The following ESRRG variants were observed in gnomAD, a reference collection of about 807,000 sequenced individuals.
ESRRG encodes the protein estrogen related receptor gamma, also known as estrogen-related receptor gamma.
In ESRRG, 13 loss-of-function variants were observed where a neutral mutation model predicts 44.0. The ratio of observed to expected loss-of-function variants is 0.30; its 90% CI spans 0.19 to 0.47. ESRRG has a LOEUF of 0.47. Ranked by LOEUF, ESRRG falls within the 20% of genes least tolerant of loss-of-function variation. The pLI is 1.00. For missense variants in ESRRG, 395 were observed against 580.6 expected, an observed-to-expected ratio of 0.68 and a Z score of 3.29; for synonymous variants, 215 against 214.6, an observed-to-expected ratio of 1.00 and a Z score of -0.02.
rs566625421 is a variant in ESRRG, at chr1:216,792,396, G to GT, written c.-13-114906dup. ...CTATTACTCTCTATATATTTCCAGGGTTTTTTTTGCCAGGTTAAAGCAGGG... is the reference window on the plus strand; with the variant it reads ...CTATTACTCTCTATATATTTCCAGGGTTTTTTTTTGCCAGGTTAAAGCAGGG... On this transcript the variant is annotated intron_variant, in intron 2 of 7. Coordinates refer to the ESRRG transcript ENST00000359162. Among the ~76,000 whole-genome samples the GT allele has an allele frequency of 3.0e-4, 45 of 151,672 alleles. 1 individual carries two copies. Among genetic ancestry groups the GT allele is most frequent in the South Asian group, 1.0e-3 (5 of 4,778 alleles).
rs555516398 is a variant in ESRRG at position 216,537,359 on chromosome 1, T to C, written c.863-17938A>G. Among the ~76,000 whole-genome samples the C allele has an allele frequency of 2.0e-5, 3 of 152,096 alleles. No homozygotes were observed. In the East Asian group the frequency reaches 5.8e-4, roughly 30 times the overall value. On this transcript the variant is annotated intron_variant, in intron 5 of 6. Coordinates refer to ENST00000408911, the MANE Select transcript of ESRRG (RefSeq NM_001438.4). ...TCCTAGCCTCTAGAACCATAAGAAATGCATTTCTGTTAATTATAAGCCACC... is the reference window on the plus strand; with the variant it reads ...TCCTAGCCTCTAGAACCATAAGAAACGCATTTCTGTTAATTATAAGCCACC...
chr1:217,053,133 T>TAAAAAAAAAAAAAAAAAAAAAAAAAA (rs71303007), intron 1 of ESRRG, among the ~76,000 whole-genome samples: 3 of 119,030 alleles, frequency 2.5e-5, no homozygotes, highest in East Asian at 2.6e-4. Context: ...AATCCCATCT[T>TAAAAAAAAAAAAAAAAAAAAAAAAAA]AAAAAAAAAA....
chr1:216,764,483 G>A (rs1453628574), intron 2 of ESRRG, among the ~76,000 whole-genome samples: 1 of 151,828 alleles, frequency 6.6e-6, no homozygotes, highest in Admixed American at 6.6e-5. Flanking sequence ...TGGCCAGGCT[G>A]GTCTCAAACT....
chr1:216,695,775 T>G (rs1251951679), intron 1 of ESRRG, among the ~76,000 whole-genome samples: 1 of 152,194 alleles, frequency 6.6e-6, no homozygotes, highest in East Asian at 1.9e-4. Context: ...GAATCATGAG[T>G]ATCTGATTCT....
At chr1:216,964,857 T>C (rs1385838928) in intron 1 of ESRRG, among the ~76,000 whole-genome samples, 3 of 152,148 alleles carry the variant, frequency 2.0e-5, no homozygotes, top group Admixed American at 1.3e-4. Context: ...AATTAAGCCA[T>C]AGAAAAGAGG....
chr1:216,723,191 CCACCCCCG>C, intron 1 of ESRRG, 45 bp downstream of exon 1: 1 of 1,461,244 alleles, frequency 6.8e-7, no homozygotes, highest in Non-Finnish European at 9.6e-7. Context: ...CTGTCCGCCC[CCACCCCCG>C]CACCCCCACG....
chr1:217,062,980 C>G (rs1360865585), intron 1 of ESRRG, among the ~76,000 whole-genome samples: 1 of 152,134 alleles, frequency 6.6e-6, no homozygotes, highest in African/African-American at 2.4e-5. Context: ...CTAGTATGTA[C>G]CTATGTGACC....
At chr1:217,102,425 T>C (rs903302428) in intron 1 of ESRRG, among the ~76,000 whole-genome samples, 1 of 152,222 alleles carries the variant, frequency 6.6e-6, no homozygotes, top group Non-Finnish European at 1.5e-5. Context: ...AATCTTATGA[T>C]GTACATGCTG....
intron 1 of ESRRG, among the ~76,000 whole-genome samples, chr1:216,951,387 T>C (rs1315452736): frequency 6.6e-5 from 10 of 152,206 alleles, no homozygotes; most frequent in Admixed American, 6.5e-4. Flanking sequence ...AAATGGGCTT[T>C]ATGCATTACA....
intron 5 of ESRRG, among the ~76,000 whole-genome samples, chr1:216,534,890 A>T (rs1248535415): frequency 1.3e-5 from 2 of 152,096 alleles, no homozygotes; most frequent in Admixed American, 1.3e-4. Flanking sequence ...CACGAATGCG[A>T]CCAGATAGCT....
chr1:216,631,936 T>C (rs945252380), intron 3 of ESRRG, among the ~76,000 whole-genome samples: 2 of 152,092 alleles, frequency 1.3e-5, no homozygotes, highest in African/African-American at 4.8e-5. Context: ...CAGCAAGAAC[T>C]GTCACTCTCT....
chr1:216,820,715 G>C (rs537089669), intron 2 of ESRRG, among the ~76,000 whole-genome samples: 74 of 152,328 alleles, frequency 4.9e-4, no homozygotes, highest in Non-Finnish European at 3.8e-4. Context: ...TTTGCAATTA[G>C]CCACCCGTTC....
intron 2 of ESRRG, among the ~76,000 whole-genome samples, chr1:216,847,495 G>A (rs1005448236): frequency 2.6e-5 from 4 of 151,942 alleles, no homozygotes; most frequent in African/African-American, 4.8e-5. Flanking sequence ...GAGTATGAAC[G>A]CTTTTTGCAT....
At chr1:216,541,041 G>A (rs1205150431) in intron 5 of ESRRG, among the ~76,000 whole-genome samples, 1 of 151,950 alleles carries the variant, frequency 6.6e-6, no homozygotes, top group Non-Finnish European at 1.5e-5. Context: ...ATGGTTCAAT[G>A]TCCTAGGTAT....
intron 2 of ESRRG, among the ~76,000 whole-genome samples, chr1:216,752,480 C>A (rs1280981416): frequency 2.0e-5 from 3 of 152,054 alleles, no homozygotes; most frequent in Non-Finnish European, 2.9e-5. Context: ...GAATACTTTA[C>A]TTTTACTTAT....
chr1:216,818,357 C>T (rs2095206192), intron 2 of ESRRG, among the ~76,000 whole-genome samples: 1 of 152,174 alleles, frequency 6.6e-6, no homozygotes, highest in South Asian at 2.1e-4. Flanking sequence ...GATGAGAGTG[C>T]CTATCAGGCA....
chr1:216,508,263 G>C (rs1019366832), intron 6 of ESRRG, among the ~76,000 whole-genome samples: 1 of 152,128 alleles, frequency 6.6e-6, no homozygotes, highest in African/African-American at 2.4e-5. Context: ...CTAATTAAAA[G>C]ATAACCAGTA....
intron 2 of ESRRG, among the ~76,000 whole-genome samples, chr1:216,877,250 T>C (rs574749858): frequency 1.3e-5 from 2 of 152,270 alleles, no homozygotes; most frequent in South Asian, 2.1e-4. Flanking sequence ...ATCCTCATCA[T>C]TGGTCTGTGC....
chr1:216,752,929 C>T (rs1195317145), intron 2 of ESRRG, among the ~76,000 whole-genome samples: 1 of 151,906 alleles, frequency 6.6e-6, no homozygotes, highest in Non-Finnish European at 1.5e-5. Context: ...AGAACTGTTT[C>T]AAGAAGAATA....
Sources: gnomAD v4.1 joint callset for allele counts (sites outside exome capture counted in the v4.1 genomes callset) on GRCh38, gnomAD v4.1.1 for gene constraint, MANE v1.5 for transcripts, NCBI Gene and HGNC (gene_info 2026-07-23, HGNC 2026-07-21) for gene names.